Variants in INSL6 observed in about 807,000 individuals in gnomAD.
INSL6 encodes insulin like 6, also known as insulin-like peptide INSL6.
A neutral mutation model predicts 9.4 loss-of-function variants in INSL6; 16 were observed. The ratio of observed to expected loss-of-function variants is 1.70; its 90% CI spans 1.15 to 2.59. The LOEUF (loss-of-function observed/expected upper bound fraction) is 2.59. INSL6 is among the 30% of genes most tolerant of loss of function. INSL6 has a pLI of 0.00. For missense variants in INSL6, 391 were observed against 257.3 expected, an observed-to-expected ratio of 1.52 and a Z score of -3.56; for synonymous variants, 154 against 96.9, an observed-to-expected ratio of 1.59 and a Z score of -3.46.
At chr9:5,064,520 ACT>A in the INSL6 span, among the ~76,000 whole-genome samples, 1 of 150,246 alleles carries the variant, frequency 6.7e-6, no homozygotes, top group East Asian at 1.9e-4. Context: ...ATGGAGCAAG[ACT>A]CTCAAAAAAA....
the INSL6 span, chr9:5,041,486 G>T: frequency 3.0e-3 from 1,756 of 593,784 alleles, 11 homozygotes; most frequent in Middle Eastern, 8.6e-3. Flanking sequence ...GATCATGAGC[G>T]GTACAGAAGA....
chr9:5,104,113 A>G, the INSL6 span, among the ~76,000 whole-genome samples: 3 of 152,342 alleles, frequency 2.0e-5, no homozygotes, highest in Admixed American at 6.5e-5. Flanking sequence ...CAAAAAATCA[A>G]TGAATCCAGG....
At chr9:5,044,323 G>A in the INSL6 span, 10 of 825,788 alleles carry the variant, frequency 1.2e-5, no homozygotes, top group African/African-American at 1.5e-4. Context: ...CTTTCAGTAT[G>A]CTGTAGGTGA....
chr9:5,048,285 G>C, the INSL6 span, among the ~76,000 whole-genome samples: 10 of 152,050 alleles, frequency 6.6e-5, no homozygotes, highest in Admixed American at 3.9e-4. Flanking sequence ...GGGATTACAG[G>C]TGCCTGCCAC....
the INSL6 span, among the ~76,000 whole-genome samples, chr9:4,999,248 C>T: frequency 6.6e-6 from 1 of 152,082 alleles, no homozygotes; most frequent in East Asian, 1.9e-4. Context: ...TTTCTAAAGC[C>T]TAAAAGTTGA....
chr9:5,103,998 A>G, the INSL6 span, among the ~76,000 whole-genome samples: 1 of 152,224 alleles, frequency 6.6e-6, no homozygotes, highest in Non-Finnish European at 1.5e-5. Context: ...TAACATCACA[A>G]TTAAAAGAAC....
chr9:5,178,453 T>C (rs1376330717), intron 1 of INSL6, among the ~76,000 whole-genome samples: 1 of 152,160 alleles, frequency 6.6e-6, no homozygotes, highest in Non-Finnish European at 1.5e-5. Context: ...GATCCATTAC[T>C]CTTCACTGGG....
chr9:5,103,467 T>C, the INSL6 span, among the ~76,000 whole-genome samples: 1 of 151,872 alleles, frequency 6.6e-6, no homozygotes, highest in Admixed American at 6.6e-5. Context: ...CACACAATAA[T>C]AATGGGAGAC....
At chr9:5,171,510 G>C (rs1290046267) in intron 1 of INSL6, among the ~76,000 whole-genome samples, 1 of 152,096 alleles carries the variant, frequency 6.6e-6, no homozygotes, top group Admixed American at 6.5e-5. Context: ...AGAAATAAAG[G>C]GTATTCAAAT....
the INSL6 span, chr9:5,029,922 A>T: frequency 1.3e-6 from 2 of 1,572,320 alleles, no homozygotes; most frequent in Non-Finnish European, 1.7e-6. Context: ...TTCTTCAGTA[A>T]AGTAACTCAC....
the INSL6 span, among the ~76,000 whole-genome samples, chr9:5,079,224 C>G: frequency 0.013 from 2,023 of 152,136 alleles, 26 homozygotes; most frequent in Middle Eastern, 0.044. Flanking sequence ...CCTTTGGAAT[C>G]GGAAGTGAAG....
At chr9:5,055,595 GTCT>G in the INSL6 span, 48 of 1,149,298 alleles carry the variant, frequency 4.2e-5, no homozygotes, top group Non-Finnish European at 5.8e-5. Context: ...AAAGAATGTT[GTCT>G]TCTTAAGTCT....
chr9:5,138,282 CAT>C (rs1056160660), intron 2 of INSL6, among the ~76,000 whole-genome samples: 3 of 152,114 alleles, frequency 2.0e-5, no homozygotes, highest in African/African-American at 7.2e-5. Flanking sequence ...TACATGCACA[CAT>C]ATGTTTACTG....
chr9:5,041,263 C>T, the INSL6 span: 2 of 1,356,598 alleles, frequency 1.5e-6, no homozygotes, highest in African/African-American at 1.4e-5. Context: ...ACATCATCGA[C>T]CTCGGGCTGG....
chr9:5,040,128 T>C, the INSL6 span, among the ~76,000 whole-genome samples: 3 of 152,238 alleles, frequency 2.0e-5, no homozygotes, highest in Admixed American at 6.5e-5. Flanking sequence ...TGGAAAGGAA[T>C]TGACAGTCTC....
downstream of INSL6, among the ~76,000 whole-genome samples, chr9:5,159,418 G>A (rs1179765506): frequency 6.6e-6 from 1 of 151,540 alleles, no homozygotes. Context: ...CACGCTTCAT[G>A]TATACAGACA....
the INSL6 span, among the ~76,000 whole-genome samples, chr9:5,116,418 G>A: frequency 2.0e-5 from 3 of 152,198 alleles, no homozygotes; most frequent in African/African-American, 4.8e-5. Context: ...TTAGAACTGC[G>A]TTCATCTAAT....
chr9:5,184,390 G>T (rs1330367680), intron 1 of INSL6, among the ~76,000 whole-genome samples: 1 of 151,894 alleles, frequency 6.6e-6, no homozygotes, highest in Non-Finnish European at 1.5e-5. Flanking sequence ...AATCATACTG[G>T]GACTAAAATG....
chr9:5,020,284 G>A, the INSL6 span, among the ~76,000 whole-genome samples: 4 of 152,286 alleles, frequency 2.6e-5, no homozygotes, highest in African/African-American at 9.6e-5. Flanking sequence ...AGACCCCCAG[G>A]TGGAATGCTC....
Sources: allele counts gnomAD v4.1 joint callset (sites outside exome capture counted in the v4.1 genomes callset), GRCh38; gene constraint gnomAD v4.1.1; transcripts MANE v1.5; gene names NCBI Gene and HGNC (gene_info 2026-07-23, HGNC 2026-07-21).